The following EPPK1 variants were observed in gnomAD, a reference collection of about 807,000 sequenced individuals.
EPPK1 encodes the protein epiplakin 1.
For synonymous variants in EPPK1, 1,862 were observed against 1,721.2 expected, an observed-to-expected ratio of 1.08 and a Z score of -2.03; for missense variants, 3,823 against 3,673.3, an observed-to-expected ratio of 1.04 and a Z score of -1.05.
rs550350896 is a variant in EPPK1 at position 143,871,192 on chromosome 8, C to G, written c.2062G>C (p.Val688Leu). The change falls in exon 2 of 2, where the codon GTC becomes CTC. Residue 688 changes from valine to leucine, a missense_variant. Transcript: ENST00000615648. ...FAKLLSAERAVTGYTDPYTGQ... is the reference protein window; with the variant it reads ...FAKLLSAERALTGYTDPYTGQ... The stretch of plus-strand genomic sequence containing the variant: ...GTGTAGGGGTCAGTGTAGCCAGTGA[C>G]AGCGCGCTCAGCCGACAGCAGCTTC... The G allele has an allele frequency of 8.7e-6, 14 of 1,613,224 alleles. No homozygotes were observed. The highest frequency in any genetic ancestry group is 1.2e-5 in the Non-Finnish European group (14 of 1,180,028).
Position 143,857,879 on chromosome 8 carries a change from A to C in EPPK1, c.*108T>G. 1 of 861,694 alleles carries C rather than the reference A, an allele frequency of 1.2e-6. No homozygotes were observed. Among genetic ancestry groups the C allele is most frequent in the Non-Finnish European group, 1.7e-6 (1 of 593,010 alleles). The allele number at this position is 861,694 out of a possible 1,614,324, so 53.4% of individuals were successfully genotyped here. On this transcript the variant is annotated 3_prime_UTR_variant, in exon 2 of 2. Transcript: ENST00000615648. ...CCACAGATAACGAATGGGTAAAACA[A>C]CAAAATTAAAGAATGACAAAAAAAA...
At position 143,870,681 on chromosome 8, in the gene EPPK1, T is replaced by A; in HGVS notation, c.2573A>T (p.Glu858Val). The A allele has an allele frequency of 1.2e-6, 2 of 1,608,974 alleles. No individual in the cohort carries two copies. Among genetic ancestry groups the A allele is most frequent in the Non-Finnish European group, 1.7e-6 (2 of 1,178,224 alleles). The stretch of plus-strand genomic sequence containing the variant: ...CTTTGCCACCTGCCCCAGCGTGACC[T>A]CGCGCTGCCGGTAGCGACGCAGCAG... ...RQLLRRYRQR[E>V]VTLGQVAKLL... The change falls in exon 2 of 2, where the codon GAG becomes GTG. Residue 858 changes from glutamate (E) to valine (V), a missense_variant. By Grantham distance (121) the Glu-to-Val change is moderately radical. Transcript: ENST00000615648. The surrounding 1 kb of genome is among the most constrained non-coding windows in gnomAD (Gnocchi z 5.2).
chr8:143,872,172 T>G lies in EPPK1; in HGVS notation c.1082A>C (p.Gln361Pro). Residue 361 changes from glutamine to proline, a missense_variant, in exon 2 of 2, where the codon CAG becomes CCG. Coordinates refer to ENST00000615648, the MANE Select transcript of EPPK1 (RefSeq NM_031308.4). ...GGGGTCGTGGTGCCCTGTCACGGCC[T>G]GCTCGGCCACCAGGAGCTGCTCATG... is the stretch of plus-strand genomic sequence containing the variant. ...ELHEQLLVAEQAVTGHHDPFS... is the reference protein window; with the variant it reads ...ELHEQLLVAEPAVTGHHDPFS... 6.3e-7 allele frequency: 1 copy of G among 1,591,296 alleles called. No homozygotes were observed. Among genetic ancestry groups the G allele is most frequent in the Non-Finnish European group, 8.6e-7 (1 of 1,169,478 alleles).
At chr8:143,874,769 C>T (rs922743391) in intron 1 of EPPK1, among the ~76,000 whole-genome samples, 5 of 152,272 alleles carry the variant, frequency 3.3e-5, no homozygotes, top group Middle Eastern at 3.4e-3. Flanking sequence ...TTGATTCTCC[C>T]CCTCATTCCA....
chr8:143,872,651 G>A lies in EPPK1; in HGVS notation c.603C>T (p.Leu201=), dbSNP rs782574665. 6 of 1,609,132 alleles carry A rather than the reference G, an allele frequency of 3.7e-6. 1 individual carries two copies. The highest frequency in any genetic ancestry group is 3.3e-4 in the Middle Eastern group (2 of 6,054). The change falls in exon 2 of 2, where the codon CTC becomes CTT. Residue 201 remains leucine, a synonymous_variant. Coordinates refer to ENST00000615648, the MANE Select transcript of EPPK1 (RefSeq NM_031308.4). Reference sequence around the variant, plus strand: ...TCAGCCGCTCCAGCGTGTTGGGGTCGAGGAAGCGCAGGTCACCTGTGCCAG... The same window carrying A: ...TCAGCCGCTCCAGCGTGTTGGGGTCAAGGAAGCGCAGGTCACCTGTGCCAG... ...LEPGTGDLRF[L]DPNTLERLTY...
intron 1 of EPPK1, among the ~76,000 whole-genome samples, chr8:143,874,338 C>G (rs781876277): frequency 6.6e-6 from 1 of 152,242 alleles, no homozygotes; most frequent in Non-Finnish European, 1.5e-5. Flanking sequence ...TCCTAATCTA[C>G]AGTCCCTGTG....
In EPPK1 at chr8:143,867,260, G is replaced by T. The variant is rs373165682; in HGVS notation, c.5994C>A (p.Ile1998=). 1.2e-6 allele frequency: 2 copies of T among 1,612,386 alleles called. No individual in the cohort carries two copies. Among genetic ancestry groups the T allele is most frequent in the African/African-American group, 2.7e-5 (2 of 74,916 alleles). Residue 1998 remains isoleucine, a synonymous_variant, in exon 2 of 2, where the codon ATC becomes ATA. Transcript: ENST00000615648. ...PLFQAMQKQL[I]EKAEALRLLE... Reference sequence around the variant, plus strand: ...GCAGCCTCAGTGCCTCCGCCTTCTCGATGAGCTGCTTCTGCATGGCCTGGA... The same window carrying T: ...GCAGCCTCAGTGCCTCCGCCTTCTCTATGAGCTGCTTCTGCATGGCCTGGA...
rs782210706 is a variant in EPPK1, at chr8:143,871,291, C to T, written c.1963G>A (p.Asp655Asn). 21 of 1,612,436 alleles carry T rather than the reference C, an allele frequency of 1.3e-5. No individual in the cohort carries two copies. The highest frequency in any genetic ancestry group is 1.0e-4 in the Admixed American group (6 of 59,934). ...GAGTGCCCCTTGTTTGCTTTTGGGTCGATGATGAAGCCTGTGGCAGCTTGT... is the reference window on the plus strand; with the variant it reads ...GAGTGCCCCTTGTTTGCTTTTGGGTTGATGATGAAGCCTGTGGCAGCTTGT... ...EAQAATGFIIDPKANKGHSVE... is the reference protein window; with the variant it reads ...EAQAATGFIINPKANKGHSVE... Residue 655 changes from aspartate (D) to asparagine (N), a missense_variant, in exon 2 of 2, where the codon GAC becomes AAC. By Grantham distance (23) the Asp-to-Asn change is conservative. Transcript: ENST00000615648.
Position 143,871,626 on chromosome 8 carries a change from G to A in EPPK1, c.1628C>T (p.Ala543Val), listed in dbSNP as rs1819352678. 1 of 1,604,844 alleles carries A rather than the reference G, an allele frequency of 6.2e-7. No homozygotes were observed. Among genetic ancestry groups the A allele is most frequent in the South Asian group, 1.1e-5 (1 of 89,878 alleles). The change falls in exon 2 of 2, where the codon GCT becomes GTT. Residue 543 changes from alanine to valine, a missense_variant. Transcript: ENST00000615648. The part of the protein sequence containing the change: ...EGTLSVEKLA[A>V]KLSATLEQAA... ...CTGCTCGAGGGTGGCGCTCAGCTTA[G>A]CGGCCAGCTTCTCCACGGAGAGGGT...
Position 143,857,870 on chromosome 8 carries a change from G to A in EPPK1, c.*117C>T. ...AAACGTTTTCCACAGATAACGAATG[G>A]GTAAAACAACAAAATTAAAGAATGA... On this transcript the variant is annotated 3_prime_UTR_variant, in exon 2 of 2. Coordinates refer to ENST00000615648, the MANE Select transcript of EPPK1 (RefSeq NM_031308.4). 2.6e-6 allele frequency: 2 copies of A among 771,810 alleles called. No homozygotes were observed. Among genetic ancestry groups the A allele is most frequent in the Non-Finnish European group, 3.8e-6 (2 of 520,316 alleles). The allele number at this position is 771,810 out of a possible 1,614,324, so 47.8% of individuals were successfully genotyped here. A position where few individuals can be genotyped will look rare whatever the true frequency, so the allele number is the denominator to read the frequency against.
chr8:143,872,089 G>C lies in EPPK1; in HGVS notation c.1165C>G (p.Pro389Ala). The change falls in exon 2 of 2, where the codon CCA becomes GCA. Residue 389 changes from proline to alanine, a missense_variant. Coordinates refer to ENST00000615648, the MANE Select transcript of EPPK1 (RefSeq NM_031308.4). Reference protein sequence around the residue: ...QAMKKGLVDRPLALRLLDAQL... With the variant: ...QAMKKGLVDRALALRLLDAQL... ...GCATCCAAGAGCCGCAGTGCCAGTGGCCTGTCCACTAGCCCCTTCTTCATG... is the reference window on the plus strand; with the variant it reads ...GCATCCAAGAGCCGCAGTGCCAGTGCCCTGTCCACTAGCCCCTTCTTCATG... 6.4e-7 allele frequency: 1 copy of C among 1,562,310 alleles called. No individual in the cohort carries two copies. The highest frequency in any genetic ancestry group is 8.7e-7 in the Non-Finnish European group (1 of 1,153,482).
In EPPK1 at chr8:143,866,672, C is replaced by G. The variant is rs1554659114; in HGVS notation, c.6582G>C (p.Glu2194Asp). Residue 2194 changes from glutamate (E) to aspartate (D), a missense_variant, in exon 2 of 2, where the codon GAG becomes GAC. Physicochemically the swap from Glu to Asp is conservative, Grantham distance 45 (BLOSUM62 2). Coordinates refer to ENST00000615648, the MANE Select transcript of EPPK1 (RefSeq NM_031308.4). ...SELLSSAIIT[E>D]EMLQDLETGR... ...CCGTTTCCAGGTCCTGGAGCATTTC[C>G]TCCGTGATTATGGCTGAGCTGAGGA... 1.2e-6 allele frequency: 2 copies of G among 1,613,228 alleles called. No homozygotes were observed. The highest frequency in any genetic ancestry group is 1.7e-5 in the Admixed American group (1 of 60,036).
In EPPK1 at chr8:143,874,060, C is replaced by T. The variant is rs75906971; in HGVS notation, c.-45-762G>A. On this transcript the variant is annotated intron_variant, in intron 1 of 1. Transcript: ENST00000615648. Reference sequence around the variant, plus strand: ...TGAGCCCACACCCTGCCCCGGGGGCCGCAGGCTCAGCAGACGTGTGGCAGT... The same window carrying T: ...TGAGCCCACACCCTGCCCCGGGGGCTGCAGGCTCAGCAGACGTGTGGCAGT... Among the ~76,000 whole-genome samples the T allele has an allele frequency of 4.5e-3, 688 of 152,368 alleles. 4 individuals carry two copies. Among genetic ancestry groups the T allele is most frequent in the African/African-American group, 0.016 (656 of 41,582 alleles).
In EPPK1 at chr8:143,866,995, T is replaced by C. The variant is rs782395561; in HGVS notation, c.6259A>G (p.Lys2087Glu). ...DTGWLLFPVN[K>E]AARDSEHIDD... The stretch of plus-strand genomic sequence containing the variant: ...ATGTGCTCGGAGTCCCGTGCAGCCT[T>C]GTTCACTGGGAACAGCAGCCAGCCC... Residue 2087 changes from lysine (K) to glutamate (E), a missense_variant, in exon 2 of 2, where the codon AAG becomes GAG. Lys to Glu is a moderately conservative substitution (Grantham distance 56). Transcript: ENST00000615648. The C allele has an allele frequency of 1.2e-6, 2 of 1,612,844 alleles. No homozygotes were observed. Among genetic ancestry groups the C allele is most frequent in the East Asian group, 2.2e-5 (1 of 44,876 alleles).
chr8:143,873,073 T>C lies in EPPK1; in HGVS notation c.181A>G (p.Met61Val). 6.4e-7 allele frequency: 1 copy of C among 1,555,774 alleles called. No homozygotes were observed. The change falls in exon 2 of 2, where the codon ATG becomes GTG. Residue 61 changes from methionine (M) to valine (V), a missense_variant. By Grantham distance (21) the Met-to-Val change is conservative. Transcript: ENST00000615648. ...SGQAQSVYAA[M>V]EQGLLPAGLG... Reference sequence around the variant, plus strand: ...CCAGCAGGCAGGAGGCCCTGCTCCATGGCGGCGTAGACACTCTGGGCCTGG... The same window carrying C: ...CCAGCAGGCAGGAGGCCCTGCTCCACGGCGGCGTAGACACTCTGGGCCTGG...
Position 143,866,485 on chromosome 8 carries a change from C to T in EPPK1, c.6769G>A (p.Gly2257Ser), listed in dbSNP as rs1382325418. ...GCCTCCAGCAGCACCAGGGCCGTGC[C>T]GGGCCGCAGCACGCCCTTCCACATG... is the stretch of plus-strand genomic sequence containing the variant. ...QAMWKGVLRP[G>S]TALVLLEAQA... The change falls in exon 2 of 2, where the codon GGC becomes AGC. Residue 2257 changes from glycine to serine, a missense_variant. Coordinates refer to ENST00000615648, the MANE Select transcript of EPPK1 (RefSeq NM_031308.4). 9.9e-5 allele frequency: 151 copies of T among 1,530,478 alleles called. No individual in the cohort carries two copies. Among genetic ancestry groups the T allele is most frequent in the East Asian group, 6.4e-4 (28 of 43,820 alleles). The allele number at this position is 1,530,478 out of a possible 1,614,324, so 94.8% of individuals were successfully genotyped here.
Position 143,868,599 on chromosome 8 carries a change from G to A in EPPK1, c.4655C>T (p.Thr1552Met), listed in dbSNP as rs782032010. ...KTLDELSQGT[T>M]TVKEVAEMDS... ...CATCTCCGCCACCTCCTTCACAGTC[G>A]TTGTCCCCTGGCTCAGCTCGTCCAG... Residue 1552 changes from threonine (T) to methionine (M), a missense_variant, in exon 2 of 2, where the codon ACG (threonine) becomes ATG (methionine). Transcript: ENST00000615648. 2.2e-5 allele frequency: 35 copies of A among 1,603,380 alleles called. No homozygotes were observed. The highest frequency in any genetic ancestry group is 4.5e-5 in the East Asian group (2 of 44,440).
In EPPK1 at chr8:143,868,232, C is replaced by T. The variant is rs1469240495; in HGVS notation, c.5022G>A (p.Arg1674=). 5 of 1,613,046 alleles carry T rather than the reference C, an allele frequency of 3.1e-6. No individual in the cohort carries two copies. Among genetic ancestry groups the T allele is most frequent in the African/African-American group, 1.3e-5 (1 of 74,926 alleles). ...FQAMQKDLIV[R]EHGIRLLEAQ... ...CCTCCAGCAGGCGGATGCCGTGCTC[C>T]CGGACGATGAGGTCCTTCTGCATGG... The change falls in exon 2 of 2, where the codon CGG becomes CGA. Residue 1674 remains arginine (R), a synonymous_variant. Transcript: ENST00000615648.
In EPPK1 at chr8:143,872,986, C is replaced by G; in HGVS notation, c.268G>C (p.Gly90Arg). The G allele has an allele frequency of 6.3e-7, 1 of 1,586,684 alleles. No homozygotes were observed. The highest frequency in any genetic ancestry group is 1.7e-4 in the Middle Eastern group (1 of 5,950). Reference sequence around the variant, plus strand: ...GCCTTGGACACAGGGAGCAGCTGGCCCCGGGCGAGGTCCACCAGGCCCCCA... The same window carrying G: ...GCCTTGGACACAGGGAGCAGCTGGCGCCGGGCGAGGTCCACCAGGCCCCCA... Reference protein sequence around the residue: ...ATGGLVDLARGQLLPVSKALQ... With the variant: ...ATGGLVDLARRQLLPVSKALQ... The change falls in exon 2 of 2, where the codon GGC becomes CGC. Residue 90 changes from glycine (G) to arginine (R), a missense_variant. By Grantham distance (125) the Gly-to-Arg change is moderately radical (BLOSUM62 -2). Coordinates refer to ENST00000615648, the MANE Select transcript of EPPK1 (RefSeq NM_031308.4).
Sources: allele counts gnomAD v4.1 joint callset (sites outside exome capture counted in the v4.1 genomes callset), GRCh38; gene constraint gnomAD v4.1.1; non-coding constraint Gnocchi (gnomAD v3.1); transcripts MANE v1.5; gene names NCBI Gene and HGNC (gene_info 2026-07-23, HGNC 2026-07-21).